Variants in PKIB observed in about 807,000 individuals in gnomAD.
The protein encoded by PKIB is cAMP-dependent protein kinase inhibitor beta.
Under a neutral mutation model 4.5 loss-of-function variants are expected in PKIB, and 2 were observed. That is an observed-to-expected ratio of 0.44 (90% confidence interval 0.18 to 1.39). The LOEUF (loss-of-function observed/expected upper bound fraction) is 1.39. PKIB is among the 40% of genes most tolerant of loss of function. PKIB has a pLI of 0.27. For synonymous variants in PKIB, 38 were observed against 36.0 expected (o/e 1.06, Z -0.20); for missense variants, 94 against 92.6 (o/e 1.02, Z -0.06).
chr6:122,716,915 C>T (rs771728477), intron 3 of PKIB, among the ~76,000 whole-genome samples: 2 of 152,138 alleles, frequency 1.3e-5, no homozygotes, highest in Non-Finnish European at 2.9e-5. Context: ...GTATACCATA[C>T]GTCTGTACTC....
intron 2 of PKIB, among the ~76,000 whole-genome samples, chr6:122,554,600 T>C (rs531988015): frequency 1.3e-5 from 2 of 152,186 alleles, no homozygotes; most frequent in Non-Finnish European, 2.9e-5. Flanking sequence ...TGAGCAGTAG[T>C]GGGGCTGTCT....
At chr6:122,599,528 A>G (rs1213140678) in intron 3 of PKIB, among the ~76,000 whole-genome samples, 1 of 152,218 alleles carries the variant, frequency 6.6e-6, no homozygotes, top group African/African-American at 2.4e-5. Context: ...ACTCAGGGCA[A>G]TCTTAGCAGA....
chr6:122,528,520 G>A (rs1429628709), intron 2 of PKIB, among the ~76,000 whole-genome samples: 2 of 152,134 alleles, frequency 1.3e-5, no homozygotes, highest in African/African-American at 4.8e-5. Context: ...TTTCTGGCTT[G>A]CAGACGGCTG....
At chr6:122,506,086 T>C (rs1208069686) in intron 2 of PKIB, among the ~76,000 whole-genome samples, 1 of 152,124 alleles carries the variant, frequency 6.6e-6, no homozygotes, top group Non-Finnish European at 1.5e-5. Flanking sequence ...TTTTTTAACA[T>C]TTTTGTGACC....
intron 4 of PKIB, among the ~76,000 whole-genome samples, chr6:122,724,717 A>G (rs1252258115): frequency 6.6e-6 from 1 of 152,158 alleles, no homozygotes; most frequent in Non-Finnish European, 1.5e-5. Context: ...AAGGGAGTAG[A>G]AAGTGTGAAG....
At chr6:122,634,581 A>G (rs9398684) in intron 2 of PKIB, among the ~76,000 whole-genome samples, 1 of 151,852 alleles carries the variant, frequency 6.6e-6, no homozygotes, top group Admixed American at 6.6e-5. Context: ...ACACAACTCC[A>G]GGGAAGCAGG....
intron 3 of PKIB, among the ~76,000 whole-genome samples, chr6:122,714,031 T>G (rs529607879): frequency 6.6e-6 from 1 of 152,342 alleles, no homozygotes; most frequent in East Asian, 1.9e-4. Context: ...TTTTTCTTGT[T>G]GGGCTTTCAG....
chr6:122,583,702 C>T (rs1246690138), intron 2 of PKIB, among the ~76,000 whole-genome samples: 1 of 152,076 alleles, frequency 6.6e-6, no homozygotes, highest in Non-Finnish European at 1.5e-5. Flanking sequence ...CACCATTAAT[C>T]ATAATGATGG....
rs185679477 is a variant in PKIB, at chr6:122,619,555, T to A, written c.-161+9020T>A. On this transcript the variant is annotated intron_variant, in intron 1 of 4. Coordinates refer to ENST00000368452, the MANE Select transcript of PKIB (RefSeq NM_181795.3). Reference sequence around the variant, plus strand: ...ATAGCTGTCCCACTGTTAGAATGCGTTAGAATGCAGACATGACTGCAGGCT... The same window carrying A: ...ATAGCTGTCCCACTGTTAGAATGCGATAGAATGCAGACATGACTGCAGGCT... Among the ~76,000 whole-genome samples the A allele has an allele frequency of 3.0e-4, 45 of 152,210 alleles. No individual in the cohort carries two copies. In the East Asian group the frequency reaches 7.7e-3, roughly 26 times the overall value.
intron 2 of PKIB, among the ~76,000 whole-genome samples, chr6:122,497,123 A>G (rs1401082096): frequency 6.6e-6 from 1 of 152,238 alleles, no homozygotes; most frequent in Non-Finnish European, 1.5e-5. Flanking sequence ...TATCCTGCCA[A>G]ACTAAGCTTC....
chr6:122,674,702 T>C (rs1777602466), intron 2 of PKIB, among the ~76,000 whole-genome samples: 1 of 152,084 alleles, frequency 6.6e-6, no homozygotes, highest in African/African-American at 2.4e-5. Flanking sequence ...CTTCCAAAGG[T>C]GGTATCATGC....
chr6:122,667,514 G>C (rs1367208698), intron 2 of PKIB, among the ~76,000 whole-genome samples: 5 of 123,576 alleles, frequency 4.0e-5, no homozygotes, highest in Non-Finnish European at 6.7e-5. Flanking sequence ...TCCAGCCTGG[G>C]GGACAAAGCA....
intron 2 of PKIB, among the ~76,000 whole-genome samples, chr6:122,500,968 C>T (rs1776214007): frequency 1.3e-5 from 2 of 152,154 alleles, no homozygotes; most frequent in African/African-American, 4.8e-5. Context: ...ACAAGAACAG[C>T]AAGAGGAAGT....
At chr6:122,545,015 A>T (rs1772447777) in intron 2 of PKIB, among the ~76,000 whole-genome samples, 1 of 152,098 alleles carries the variant, frequency 6.6e-6, no homozygotes, top group Admixed American at 6.6e-5. Context: ...TTGCAGAGAA[A>T]ACAGAATACT....
chr6:122,556,676 T>C (rs1457756188), intron 2 of PKIB, among the ~76,000 whole-genome samples: 1 of 152,152 alleles, frequency 6.6e-6, no homozygotes, highest in Non-Finnish European at 1.5e-5. Context: ...TACAAGTGAA[T>C]CCTAGCACAG....
At chr6:122,712,516 G>C (rs1385491075) in intron 3 of PKIB, among the ~76,000 whole-genome samples, 1 of 152,144 alleles carries the variant, frequency 6.6e-6, no homozygotes, top group Non-Finnish European at 1.5e-5. Context: ...TGGTTATCAG[G>C]GGAGACCAGT....
intron 2 of PKIB, among the ~76,000 whole-genome samples, chr6:122,508,577 G>A (rs533427953): frequency 6.6e-6 from 1 of 152,270 alleles, no homozygotes; most frequent in South Asian, 2.1e-4. Context: ...AGATTGGTAT[G>A]TGCTCAGATA....
chr6:122,585,248 G>T (rs889798356), intron 2 of PKIB, among the ~76,000 whole-genome samples: 8 of 152,012 alleles, frequency 5.3e-5, no homozygotes, highest in African/African-American at 1.9e-4. Flanking sequence ...AACCCTCCTG[G>T]GCTAAGCCCC....
chr6:122,521,059 G>A (rs900117252), intron 2 of PKIB, among the ~76,000 whole-genome samples: 44 of 152,290 alleles, frequency 2.9e-4, no homozygotes, highest in South Asian at 1.5e-3. Context: ...TGGCATTTTC[G>A]TGGAGAAGAA....
Sources: allele counts gnomAD v4.1 joint callset (sites outside exome capture counted in the v4.1 genomes callset), GRCh38; gene constraint gnomAD v4.1.1; transcripts MANE v1.5; gene names NCBI Gene and HGNC (gene_info 2026-07-23, HGNC 2026-07-21).